DOCK4: variants seen among roughly 807,000 people sequenced by gnomAD.
DOCK4 encodes dedicator of cytokinesis 4.
In DOCK4, 97 loss-of-function variants were observed where a neutral mutation model predicts 268.1. The ratio of observed to expected loss-of-function variants is 0.36; its 90% confidence interval spans 0.31 to 0.43. The LOEUF (loss-of-function observed/expected upper bound fraction) is 0.43. Ranked by LOEUF, DOCK4 falls within the 20% of genes least tolerant of loss-of-function variation. DOCK4 has a pLI of 1.00. For synonymous variants in DOCK4, 954 were observed against 887.2 expected (o/e 1.08, Z -1.34); for missense variants, 2,145 against 2,455.7 (o/e 0.87, Z 2.67).
chr7:111,745,287 A>G (rs1479973039), intron 44 of DOCK4, among the ~76,000 whole-genome samples: 1 of 152,210 alleles, frequency 6.6e-6, no homozygotes, highest in Non-Finnish European at 1.5e-5. Flanking sequence ...AGCAAGATCT[A>G]CTGATTGCCC....
At chr7:112,008,065 A>T (rs532532634) in intron 1 of DOCK4, among the ~76,000 whole-genome samples, 1 of 152,128 alleles carries the variant, frequency 6.6e-6, no homozygotes, top group African/African-American at 2.4e-5. Flanking sequence ...TGTTTTTCTT[A>T]TAAATTGAAC....
chr7:111,829,482 TGAG>T (rs1363140591), intron 26 of DOCK4, among the ~76,000 whole-genome samples: 2 of 152,152 alleles, frequency 1.3e-5, no homozygotes, highest in African/African-American at 4.8e-5. Context: ...GGGATGGGGT[TGAG>T]GAGGTGTTCC....
chr7:111,950,625 A>G (rs750791705), intron 8 of DOCK4, among the ~76,000 whole-genome samples: 1 of 152,246 alleles, frequency 6.6e-6, no homozygotes, highest in African/African-American at 2.4e-5. Context: ...TAACACTCAA[A>G]TAACTGGAAA....
chr7:112,086,714 C>A (rs1288346581), intron 1 of DOCK4, among the ~76,000 whole-genome samples: 1 of 152,138 alleles, frequency 6.6e-6, no homozygotes, highest in Non-Finnish European at 1.5e-5. Context: ...ACTCTGAAGT[C>A]ACATCTAACC....
intron 12 of DOCK4, among the ~76,000 whole-genome samples, chr7:111,932,045 T>C (rs1001190997): frequency 3.0e-4 from 45 of 152,230 alleles, no homozygotes; most frequent in Non-Finnish European, 5.4e-4. Context: ...GGATCACTTA[T>C]GTTAGAGTCT....
At chr7:112,126,543 A>C (rs978332986) in intron 1 of DOCK4, among the ~76,000 whole-genome samples, 24 of 152,254 alleles carry the variant, frequency 1.6e-4, no homozygotes, top group South Asian at 4.1e-4. Context: ...GCAACAAAAG[A>C]CAAAATTGAC....
rs542771727 is a variant in DOCK4, at chr7:111,775,435, TA to T, written c.3679+2840del. Among the ~76,000 whole-genome samples, 68 of 152,286 alleles carry T rather than the reference TA, an allele frequency of 4.5e-4. 1 individual carries two copies. The East Asian group carries it at 0.012, about 28-fold the overall frequency. On this transcript the variant is annotated intron_variant, in intron 36 of 52. Coordinates refer to ENST00000428084, the MANE Select transcript of DOCK4 (RefSeq NM_001363540.2). ...CCCTATCTCTCCCACTGATTACAAC[TA>T]AACAGCCTGGAGAGACTATATAACA... is the stretch of plus-strand genomic sequence containing the variant.
At chr7:112,105,410 C>A (rs1424397684) in intron 1 of DOCK4, among the ~76,000 whole-genome samples, 1 of 152,230 alleles carries the variant, frequency 6.6e-6, no homozygotes, top group East Asian at 1.9e-4. Context: ...GCTGTTTGTA[C>A]AACTTCTTAA....
At chr7:111,810,703 G>A (rs1249467685) in intron 28 of DOCK4, among the ~76,000 whole-genome samples, 1 of 151,426 alleles carries the variant, frequency 6.6e-6, no homozygotes, top group African/African-American at 2.4e-5. Flanking sequence ...TTTATCCAAA[G>A]AAATAATTAA....
At chr7:111,875,198 A>G (rs1806754532) in intron 17 of DOCK4, among the ~76,000 whole-genome samples, 1 of 152,218 alleles carries the variant, frequency 6.6e-6, no homozygotes, top group Admixed American at 6.5e-5. Flanking sequence ...TGAGCCAATC[A>G]TTGCATGGAA....
intron 8 of DOCK4, among the ~76,000 whole-genome samples, chr7:111,975,740 G>A (rs140893148): frequency 3.9e-5 from 6 of 152,172 alleles, no homozygotes; most frequent in African/African-American, 1.4e-4. Context: ...AGTAGATAAC[G>A]ACTAAGATAT....
intron 4 of DOCK4, among the ~76,000 whole-genome samples, chr7:111,995,453 GTGTGTA>G (rs139243542): frequency 0.17 from 7,929 of 45,996 alleles, 470 homozygotes; most frequent in African/African-American, 0.36. Context: ...GTGTGTGTGT[GTGTGTA>G]TGTGCAGGTG....
chr7:111,928,739 C>A (rs1344634940), intron 12 of DOCK4, among the ~76,000 whole-genome samples: 1 of 151,938 alleles, frequency 6.6e-6, no homozygotes, highest in African/African-American at 2.4e-5. Flanking sequence ...CAGGCACGTG[C>A]CACCACACCC....
chr7:111,924,461 C>T (rs1793431398), intron 12 of DOCK4, among the ~76,000 whole-genome samples: 1 of 152,132 alleles, frequency 6.6e-6, no homozygotes, highest in Admixed American at 6.6e-5. Flanking sequence ...TTCTTGGCTA[C>T]ATGTATATGT....
chr7:111,914,921 G>A (rs1452193927), intron 13 of DOCK4, among the ~76,000 whole-genome samples: 1 of 152,194 alleles, frequency 6.6e-6, no homozygotes, highest in African/African-American at 2.4e-5. Flanking sequence ...TTTGTAGAAT[G>A]AATGAACTCA....
intron 26 of DOCK4, among the ~76,000 whole-genome samples, chr7:111,826,809 T>A (rs1802431228): frequency 6.6e-6 from 1 of 152,144 alleles, no homozygotes; most frequent in Admixed American, 6.6e-5. Context: ...TGGACTCAAC[T>A]GGGGCCCAAA....
At chr7:111,996,796 C>G (rs911745600) in intron 4 of DOCK4, among the ~76,000 whole-genome samples, 5 of 152,150 alleles carry the variant, frequency 3.3e-5, no homozygotes, top group Admixed American at 1.3e-4. Flanking sequence ...CAGTTACTAA[C>G]CAGGATTTAA....
At chr7:111,806,069 T>C (rs761336840) in intron 30 of DOCK4, among the ~76,000 whole-genome samples, 12 of 152,214 alleles carry the variant, frequency 7.9e-5, no homozygotes, top group Non-Finnish European at 1.5e-4. Flanking sequence ...TTTTTTCTTA[T>C]GTCCTCCAAA....
At chr7:112,134,093 T>C (rs1814077435) in intron 1 of DOCK4, among the ~76,000 whole-genome samples, 1 of 152,250 alleles carries the variant, frequency 6.6e-6, no homozygotes, top group Non-Finnish European at 1.5e-5. Flanking sequence ...ATGTTCATAT[T>C]ACTTTGAATA....
Sources: allele counts gnomAD v4.1 joint callset (sites outside exome capture counted in the v4.1 genomes callset), GRCh38; gene constraint gnomAD v4.1.1; transcripts MANE v1.5; gene names NCBI Gene and HGNC (gene_info 2026-07-23, HGNC 2026-07-21).